MATR3: variants seen among roughly 807,000 people sequenced by gnomAD.
The protein encoded by MATR3 is matrin 3.
MATR3 carries 4 observed loss-of-function variants against 85.5 expected under a neutral mutation model. The observed-to-expected ratio is 0.05, with a 90% confidence interval of 0.02 to 0.11. The LOEUF is 0.11. MATR3 is among the 10% of genes least tolerant of loss of function. The pLI, the probability that MATR3 is intolerant of heterozygous loss-of-function variation, is 1.00. For synonymous variants in MATR3, 336 were observed against 343.1 expected (o/e 0.98, Z 0.23); for missense variants, 685 against 1,016.1 (o/e 0.67, Z 4.43).
intron 12 of MATR3, 109 bp from the exon 13 acceptor site, chr5:139,325,329 ACT>A: frequency 6.4e-7 from 1 of 1,573,026 alleles, no homozygotes; most frequent in Non-Finnish European, 8.6e-7. Context: ...AGGTTTTGTC[ACT>A]CTAGATGAGG....
rs576761226 is a variant in MATR3 at position 139,303,578 on chromosome 5, A to G, written c.-177-3661A>G. 6.6e-5 allele frequency among the ~76,000 whole-genome samples: 10 copies of G among 152,108 alleles called. No individual in the cohort carries two copies. In the South Asian group the frequency reaches 1.7e-3, roughly 25 times the overall value. On this transcript the variant is annotated intron_variant, in intron 1 of 14. Coordinates refer to ENST00000394805, the MANE Select transcript of MATR3 (RefSeq NM_018834.6). ...TGAAAACCCCCTCTCTACCAAAACA[A>G]TGAAAACTAGCCGAGCATGGTGGCA...
chr5:139,326,311 T>C (rs201845869), intron 14 of MATR3, 27 bp downstream of exon 14: 45 of 1,610,942 alleles, frequency 2.8e-5, no homozygotes, highest in African/African-American at 1.3e-4. Context: ...AACAGTTCTT[T>C]TGTGAAAACT....
intron 3 of MATR3, among the ~76,000 whole-genome samples, chr5:139,282,092 G>C (rs1350921541): frequency 6.6e-6 from 1 of 152,168 alleles, no homozygotes; most frequent in African/African-American, 2.4e-5. Context: ...TAAGTGCCTA[G>C]GAATTCACAC....
chr5:139,309,702 G>A (rs1405608829), intron 2 of MATR3, among the ~76,000 whole-genome samples: 2 of 152,034 alleles, frequency 1.3e-5, no homozygotes, highest in Non-Finnish European at 2.9e-5. Flanking sequence ...ATTGGTATAT[G>A]TTTTGGGTGT....
At chr5:139,316,238 A>C in intron 5 of MATR3, 50 bp downstream of exon 5, 3 of 1,413,950 alleles carry the variant, frequency 2.1e-6, no homozygotes, top group Non-Finnish European at 3.0e-6. Flanking sequence ...CGTTACTGAA[A>C]ATTTTTCTTT....
At chr5:139,301,726 A>C (rs577752056) in intron 1 of MATR3, among the ~76,000 whole-genome samples, 2 of 152,356 alleles carry the variant, frequency 1.3e-5, no homozygotes, top group Non-Finnish European at 2.9e-5. Context: ...ATCATCAGGT[A>C]CACGGGGTAA....
upstream of MATR3, among the ~76,000 whole-genome samples, chr5:139,289,722 C>T (rs1036148927): frequency 6.6e-6 from 1 of 152,204 alleles, no homozygotes; most frequent in Non-Finnish European, 1.5e-5. Flanking sequence ...TCCTTACTGC[C>T]AATTCGTTGT....
Position 139,330,508 on chromosome 5 carries a change from T to G in MATR3, c.*1113T>G, listed in dbSNP as rs1330955477. On this transcript the variant is annotated 3_prime_UTR_variant, in exon 15 of 15. Coordinates refer to ENST00000394805, the MANE Select transcript of MATR3 (RefSeq NM_018834.6). ...TGCATGCTTTAACAATTTATTACTT[T>G]TAAATCTAGAGTGAATTCTAAAGAC... 2.2e-6 allele frequency: 1 copy of G among 454,184 alleles called. No individual in the cohort carries two copies. Among genetic ancestry groups the G allele is most frequent in the East Asian group, 6.9e-5 (1 of 14,404 alleles). The allele number at this position is 454,184 out of a possible 1,614,324, so 28.1% of individuals were successfully genotyped here. A position where few individuals can be genotyped will look rare whatever the true frequency, so the allele number is the denominator to read the frequency against.
Position 139,317,729 on chromosome 5 carries a change from T to C in MATR3, c.1308+8T>C. The C allele has an allele frequency of 6.4e-7, 1 of 1,570,942 alleles. No homozygotes were observed. Among genetic ancestry groups the C allele is most frequent in the Non-Finnish European group, 8.7e-7 (1 of 1,147,206 alleles). ...CTAAATAAAATTAATGAGGTATGAA[T>C]TGAAATATTGGTATTATTCATTTAT... On this transcript the variant is annotated splice_region_variant and intron_variant, in intron 7 of 14. Transcript: ENST00000394805.
At position 139,330,560 on chromosome 5, in the gene MATR3, ATGT is replaced by A. The variant is rs768513742; in HGVS notation, c.*1171_*1173del. 6.5e-4 allele frequency: 297 copies of A among 454,114 alleles called. No homozygotes were observed. Among genetic ancestry groups the A allele is most frequent in the East Asian group, 1.4e-3 (20 of 14,398 alleles). The allele number at this position is 454,114 out of a possible 1,614,324, so 28.1% of individuals were successfully genotyped here. On this transcript the variant is annotated 3_prime_UTR_variant, in exon 15 of 15. Transcript: ENST00000394805. ...GCCGCTAAAGATCTGAGTTTTAAAA[ATGT>A]TGTTGCTGGTGGATTTCTTGTTCCT...
chr5:139,320,234 G>A lies in MATR3; in HGVS notation c.1602+733G>A, dbSNP rs549876590. Among the ~76,000 whole-genome samples the A allele has an allele frequency of 7.9e-5, 12 of 151,980 alleles. No homozygotes were observed. In the East Asian group the frequency reaches 1.7e-3, roughly 22 times the overall value. On this transcript the variant is annotated intron_variant, in intron 9 of 14. Coordinates refer to ENST00000394805, the MANE Select transcript of MATR3 (RefSeq NM_018834.6). ...TGAGGCAGGAGAATGGCATGAACCC[G>A]GGAGGCGGAGCTTGCAATGACTCGA...
intron 1 of MATR3, chr5:139,295,095 G>A (rs1405711877): frequency 1.3e-5 from 2 of 152,156 alleles, no homozygotes; most frequent in Non-Finnish European, 1.5e-5. Flanking sequence ...TTCTCCCAGG[G>A]AAATCTAAAC....
At chr5:139,302,151 C>T (rs1415357697) in intron 1 of MATR3, among the ~76,000 whole-genome samples, 5 of 152,018 alleles carry the variant, frequency 3.3e-5, no homozygotes, top group African/African-American at 9.7e-5. Context: ...TTAGTAGAGA[C>T]GGGGTTTCAC....
At chr5:139,297,711 C>CA (rs753702326) in intron 1 of MATR3, among the ~76,000 whole-genome samples, 8 of 152,146 alleles carry the variant, frequency 5.3e-5, no homozygotes, top group Admixed American at 1.3e-4. Flanking sequence ...AGTTGTACAT[C>CA]AAGCCCTAAT....
intron 1 of MATR3, among the ~76,000 whole-genome samples, chr5:139,304,832 A>G (rs1440033802): frequency 1.3e-5 from 2 of 152,192 alleles, no homozygotes; most frequent in East Asian, 3.8e-4. Flanking sequence ...AAGTGTCTCC[A>G]TATTGTGCTG....
At position 139,331,607 on chromosome 5, in the gene MATR3, G is replaced by A. The variant is rs1211652428; in HGVS notation, c.*2212G>A. ...TAAAGTTTAAGAACATTTTTCCTAC[G>A]GCTATGTCAGCCCTTAGTTTAATCT... On this transcript the variant is annotated 3_prime_UTR_variant, in exon 15 of 15. Coordinates refer to ENST00000394805, the MANE Select transcript of MATR3 (RefSeq NM_018834.6). The A allele has an allele frequency of 1.1e-5, 5 of 453,832 alleles. No homozygotes were observed. The highest frequency in any genetic ancestry group is 1.4e-4 in the East Asian group (2 of 14,404). 28.1% of individuals were successfully genotyped at this position (453,832 alleles called of 1,614,324 possible). A position where few individuals can be genotyped will look rare whatever the true frequency, so the allele number is the denominator to read the frequency against.
At chr5:139,323,142 A>T (rs967877538) in intron 12 of MATR3, among the ~76,000 whole-genome samples, 175 bp downstream of exon 12, 2 of 152,226 alleles carry the variant, frequency 1.3e-5, no homozygotes, top group African/African-American at 4.8e-5. Flanking sequence ...ATTAAATAAG[A>T]CATTTTATTA....
At chr5:139,325,721 T>G (rs1744634239) in intron 13 of MATR3, 59 bp downstream of exon 13, 1 of 1,461,722 alleles carries the variant, frequency 6.8e-7, no homozygotes, top group Non-Finnish European at 9.6e-7. Flanking sequence ...AACTCTTAGG[T>G]TTTAAAATAA....
chr5:139,307,743 A>G lies in MATR3; in HGVS notation c.328A>G (p.Asn110Asp). The G allele has an allele frequency of 1.2e-6, 2 of 1,614,152 alleles. No homozygotes were observed. The highest frequency in any genetic ancestry group is 1.7e-6 in the Non-Finnish European group (2 of 1,180,020). ...QHRGDADQAS[N>D]ILASFGLSAR... ...CCGTGGAGATGCAGACCAGGCCAGT[A>G]ACATTTTGGCCAGCTTTGGTCTGTC... Residue 110 changes from asparagine (N) to aspartate (D), a missense_variant, in exon 2 of 15, where the codon AAC (asparagine) becomes GAC (aspartate). Transcript: ENST00000394805. This position sits in a 1 kb window ranked among gnomAD's most constrained non-coding sequence, Gnocchi z 4.4.
Sources: allele counts gnomAD v4.1 joint callset (sites outside exome capture counted in the v4.1 genomes callset), GRCh38; gene constraint gnomAD v4.1.1; non-coding constraint Gnocchi (gnomAD v3.1); transcripts MANE v1.5; gene names NCBI Gene and HGNC (gene_info 2026-07-23, HGNC 2026-07-21).